ZNF827: variants seen among roughly 807,000 people sequenced by gnomAD.
The protein encoded by ZNF827 is zinc finger protein 827.
Under a neutral mutation model 102.4 loss-of-function variants are expected in ZNF827, and 13 were observed. That is an observed-to-expected ratio of 0.13 (90% CI 0.08 to 0.20). ZNF827 has a LOEUF of 0.20. Among genes scored for constraint, ZNF827 ranks in the 10% least tolerant of loss-of-function variants. ZNF827 has a pLI of 1.00. For missense variants in ZNF827, 1,103 were observed against 1,344.4 expected (o/e 0.82, Z 2.81); for synonymous variants, 523 against 536.2 (o/e 0.98, Z 0.34).
chr4:145,836,346 C>T (rs2126583975), intron 7 of ZNF827, among the ~76,000 whole-genome samples: 1 of 152,266 alleles, frequency 6.6e-6, no homozygotes, highest in African/African-American at 2.4e-5. Flanking sequence ...CCTTTCTGGC[C>T]AAACAACTTG....
At chr4:145,893,722 G>A (rs936475702) in intron 2 of ZNF827, among the ~76,000 whole-genome samples, 14 of 152,090 alleles carry the variant, frequency 9.2e-5, no homozygotes, top group African/African-American at 3.1e-4. Flanking sequence ...TGTCATCTGT[G>A]AAATGTCCTT....
At chr4:145,778,128 CA>C (rs1737380070) in intron 9 of ZNF827, among the ~76,000 whole-genome samples, 1 of 151,936 alleles carries the variant, frequency 6.6e-6, no homozygotes, top group Admixed American at 6.6e-5. Context: ...CCCATTTCTA[CA>C]AAAAACTTTT....
intron 1 of ZNF827, among the ~76,000 whole-genome samples, chr4:145,936,281 C>T (rs1012767101): frequency 6.6e-6 from 1 of 152,150 alleles, no homozygotes; most frequent in African/African-American, 2.4e-5. Context: ...AGCGCGGAGC[C>T]TCCCAACTCG....
intron 11 of ZNF827, among the ~76,000 whole-genome samples, chr4:145,771,623 G>C (rs939896357): frequency 3.9e-5 from 6 of 152,164 alleles, no homozygotes; most frequent in Non-Finnish European, 7.3e-5. Context: ...GGTGAGGAGG[G>C]ATCACTAAGC....
At chr4:145,792,110 G>C (rs921527521) in intron 8 of ZNF827, among the ~76,000 whole-genome samples, 1 of 152,188 alleles carries the variant, frequency 6.6e-6, no homozygotes, top group African/African-American at 2.4e-5. Flanking sequence ...CCTCGTTTTG[G>C]ACCTGGTGCT....
chr4:145,909,091 A>T (rs1042508512), intron 1 of ZNF827, among the ~76,000 whole-genome samples: 2 of 152,222 alleles, frequency 1.3e-5, no homozygotes, highest in Non-Finnish European at 2.9e-5. Context: ...TATAAAATAC[A>T]CTATCTTCAC....
chr4:145,916,232 C>T (rs1161954929), intron 1 of ZNF827, among the ~76,000 whole-genome samples: 2 of 152,212 alleles, frequency 1.3e-5, no homozygotes, highest in Non-Finnish European at 2.9e-5. Context: ...CTGCCTGGGC[C>T]CCCAGGCGGT....
chr4:145,890,378 C>A (rs1324748523), intron 3 of ZNF827, among the ~76,000 whole-genome samples: 1 of 152,172 alleles, frequency 6.6e-6, no homozygotes, highest in East Asian at 1.9e-4. Context: ...ACCCCACGAC[C>A]CACAAAGCCC....
In ZNF827 at chr4:145,806,089, A is replaced by G. The variant is rs559944168; in HGVS notation, c.2383+17333T>C. On this transcript the variant is annotated intron_variant, in intron 8 of 14. Coordinates refer to ENST00000508784, the MANE Select transcript of ZNF827 (RefSeq NM_001306215.2). ...TTTGTTTTATTCACTGCTGTTCCCCAGGACCTAAGAAGTACCTGGCATACA... is the reference window on the plus strand; with the variant it reads ...TTTGTTTTATTCACTGCTGTTCCCCGGGACCTAAGAAGTACCTGGCATACA... Among the ~76,000 whole-genome samples, 8 of 151,304 alleles carry G rather than the reference A, an allele frequency of 5.3e-5. 1 individual carries two copies. The South Asian group carries it at 1.7e-3, about 32-fold the overall frequency.
rs548031585 is a variant in ZNF827 at position 145,787,850 on chromosome 4, C to G, written c.2384-8339G>C. Among the ~76,000 whole-genome samples the G allele has an allele frequency of 6.3e-4, 96 of 152,306 alleles. 1 individual carries two copies. The highest frequency in any genetic ancestry group is 3.4e-3 in the Middle Eastern group (1 of 294). ...TGAAGCCTGACACTCCAGGACTTCT[C>G]AGACCCCAGGGCACCCCACATCTTG... On this transcript the variant is annotated intron_variant, in intron 8 of 14. Transcript: ENST00000508784.
intron 7 of ZNF827, chr4:145,832,806 G>C (rs114822996): frequency 1.3e-5 from 2 of 152,494 alleles, no homozygotes; most frequent in Non-Finnish European, 2.9e-5. Context: ...CCTTGTGTGC[G>C]ACCCCCACTC....
chr4:145,801,558 C>T (rs952806010), intron 8 of ZNF827, among the ~76,000 whole-genome samples: 1 of 152,100 alleles, frequency 6.6e-6, no homozygotes, highest in Admixed American at 6.6e-5. Flanking sequence ...ACATCAGGCC[C>T]GTCACCTGTC....
chr4:145,872,736 G>A (rs1041365479), intron 4 of ZNF827, among the ~76,000 whole-genome samples: 1 of 151,506 alleles, frequency 6.6e-6, no homozygotes, highest in Non-Finnish European at 1.5e-5. Flanking sequence ...TAAGCCAGAC[G>A]TGGTGGCATG....
Position 145,765,089 on chromosome 4 carries a change from G to A in ZNF827, c.3129C>T (p.Ile1043=), listed in dbSNP as rs141142780. The change falls in exon 13 of 15, where the codon ATC becomes ATT. Residue 1043 remains isoleucine (I), a synonymous_variant. Transcript: ENST00000508784. This position sits in a 1 kb window ranked among gnomAD's most constrained non-coding sequence, Gnocchi z 4.7. The part of the protein sequence containing the change: ...MFERHLQIHL[I]TRMFECDVCH... ...ACACATCACACTCAAACATCCGGGT[G>A]ATGAGGTGTATCTGCAGATGACGCT... 28 of 1,614,212 alleles carry A rather than the reference G, an allele frequency of 1.7e-5. No individual in the cohort carries two copies. In the African/African-American group the frequency reaches 3.2e-4, roughly 18 times the overall value.
intron 2 of ZNF827, among the ~76,000 whole-genome samples, chr4:145,899,096 C>T (rs1424925214): frequency 6.6e-6 from 1 of 152,010 alleles, no homozygotes; most frequent in African/African-American, 2.4e-5. Context: ...AAACTCTTTT[C>T]CCTGCTGTGA....
At chr4:145,809,083 G>A (rs1439179407) in intron 8 of ZNF827, among the ~76,000 whole-genome samples, 1 of 152,220 alleles carries the variant, frequency 6.6e-6, no homozygotes, top group Non-Finnish European at 1.5e-5. Flanking sequence ...TTACAAGTGT[G>A]AGCCACTGTG....
At chr4:145,836,973 C>G (rs992962230) in intron 7 of ZNF827, among the ~76,000 whole-genome samples, 9 of 152,328 alleles carry the variant, frequency 5.9e-5, no homozygotes, top group Non-Finnish European at 1.2e-4. Flanking sequence ...GGTAAATTAG[C>G]TTTACTCAAC....
At chr4:145,764,806 C>T in intron 13 of ZNF827, 182 bp downstream of exon 13, 2 of 757,770 alleles carry the variant, frequency 2.6e-6, no homozygotes. Flanking sequence ...TCTGTTGACA[C>T]CCTAGGGGGA....
intron 5 of ZNF827, among the ~76,000 whole-genome samples, chr4:145,852,131 A>G (rs1746595404): frequency 6.6e-6 from 1 of 152,206 alleles, no homozygotes; most frequent in South Asian, 2.1e-4. Context: ...ACAAAAGAAT[A>G]CTAGGACAAA....
Sources: allele counts gnomAD v4.1 joint callset (sites outside exome capture counted in the v4.1 genomes callset), GRCh38; gene constraint gnomAD v4.1.1; non-coding constraint Gnocchi (gnomAD v3.1); transcripts MANE v1.5; gene names NCBI Gene and HGNC (gene_info 2026-07-23, HGNC 2026-07-21).